Variants in CCDC13 observed in about 807,000 individuals in gnomAD.
The protein encoded by CCDC13 is coiled-coil domain-containing protein 13.
A neutral mutation model predicts 87.3 loss-of-function variants in CCDC13; 70 were observed. That is an observed-to-expected ratio of 0.80 (90% CI 0.66 to 0.98). CCDC13 has a LOEUF of 0.98. Among genes scored for constraint, CCDC13 ranks in the 50% least tolerant of loss-of-function variants. The pLI, the probability that CCDC13 is intolerant of heterozygous loss-of-function variation, is 0.00. For missense variants in CCDC13, 842 were observed against 892.0 expected (o/e 0.94, Z 0.71); for synonymous variants, 317 against 360.3 (o/e 0.88, Z 1.36).
rs1698178395 is a variant in CCDC13, at chr3:42,706,340, A to G, written c.*2640T>C. 6.6e-6 allele frequency: 1 copy of G among 152,256 alleles called. No homozygotes were observed. The highest frequency in any genetic ancestry group is 2.4e-5 in the African/African-American group (1 of 41,456). The allele number at this position is 152,256 out of a possible 1,614,324, so 9.4% of individuals were successfully genotyped here. On this transcript the variant is annotated 3_prime_UTR_variant, in exon 16 of 16. Transcript: ENST00000310232. The stretch of plus-strand genomic sequence containing the variant: ...CAACAAGTTCTGGTTGAACAAATGG[A>G]GGGAACACTAAGAGCGAATAATTAT...
At chr3:42,738,803 T>C (rs1699114300) in intron 9 of CCDC13, among the ~76,000 whole-genome samples, 1 of 152,166 alleles carries the variant, frequency 6.6e-6, no homozygotes. Flanking sequence ...CTTAAGGAGA[T>C]TTTGGGCTGA....
chr3:42,714,501 T>G (rs1453269015), intron 13 of CCDC13, among the ~76,000 whole-genome samples: 1 of 152,264 alleles, frequency 6.6e-6, no homozygotes, highest in Non-Finnish European at 1.5e-5. Context: ...TTATTTCACA[T>G]GAAGCACTTG....
intron 13 of CCDC13, among the ~76,000 whole-genome samples, chr3:42,717,232 C>T (rs992237100): frequency 1.3e-5 from 2 of 151,870 alleles, no homozygotes; most frequent in African/African-American, 4.8e-5. Context: ...TCAAGACCAG[C>T]CTGGCCAACA....
At chr3:42,752,235 T>C (rs986290904) in intron 4 of CCDC13, among the ~76,000 whole-genome samples, 2 of 152,158 alleles carry the variant, frequency 1.3e-5, no homozygotes, top group Non-Finnish European at 2.9e-5. Flanking sequence ...CTAATCGTAC[T>C]ATAAAAGTAG....
At chr3:42,756,859 T>C (rs955715145) in intron 3 of CCDC13, among the ~76,000 whole-genome samples, 4 of 152,160 alleles carry the variant, frequency 2.6e-5, no homozygotes, top group Non-Finnish European at 5.9e-5. Flanking sequence ...CATTGCTCCC[T>C]GTGCTCCCAT....
chr3:42,724,531 T>C (rs1238728614), intron 13 of CCDC13, among the ~76,000 whole-genome samples: 6 of 152,236 alleles, frequency 3.9e-5, no homozygotes, highest in Admixed American at 2.0e-4. Flanking sequence ...GACCAATCTC[T>C]GGTCTCACTG....
At chr3:42,739,833 T>C (rs1206208299) in intron 8 of CCDC13, 23 bp from the exon 9 acceptor site, 2 of 1,609,098 alleles carry the variant, frequency 1.2e-6, no homozygotes, top group Admixed American at 3.3e-5. Context: ...AGTGAGGGCA[T>C]GGGCAGCAGG....
chr3:42,759,644 CTGAG>C (rs765861200), intron 1 of CCDC13, among the ~76,000 whole-genome samples: 8 of 151,840 alleles, frequency 5.3e-5, no homozygotes, highest in Admixed American at 2.0e-4. Context: ...GTTTTTATTA[CTGAG>C]TAATATTACC....
intron 1 of CCDC13, among the ~76,000 whole-genome samples, chr3:42,760,674 A>G (rs1305672631): frequency 2.0e-5 from 3 of 152,094 alleles, no homozygotes; most frequent in Non-Finnish European, 2.9e-5. Flanking sequence ...GCGCCATGGC[A>G]CTCCAGCCTG....
intron 13 of CCDC13, among the ~76,000 whole-genome samples, chr3:42,727,960 A>G (rs1698727319): frequency 6.6e-6 from 1 of 152,248 alleles, no homozygotes; most frequent in African/African-American, 2.4e-5. Flanking sequence ...ATCAAAGTGG[A>G]TTAAACGATA....
At chr3:42,728,396 C>G (rs1045172762) in intron 13 of CCDC13, among the ~76,000 whole-genome samples, 8 of 152,048 alleles carry the variant, frequency 5.3e-5, no homozygotes, top group African/African-American at 7.2e-5. Flanking sequence ...GACTCCCCCC[C>G]ACCCTCCCCT....
chr3:42,759,073 C>A (rs888677160), intron 1 of CCDC13, among the ~76,000 whole-genome samples: 2 of 152,214 alleles, frequency 1.3e-5, no homozygotes, highest in African/African-American at 4.8e-5. Flanking sequence ...GCAATCACAG[C>A]ACTTTGGGAG....
At chr3:42,720,436 C>A (rs1398980844) in intron 13 of CCDC13, among the ~76,000 whole-genome samples, 1 of 152,218 alleles carries the variant, frequency 6.6e-6, no homozygotes. Flanking sequence ...ATCTGCACTT[C>A]TGTTTGCTGT....
At chr3:42,722,340 T>TG (rs1395355011) in intron 13 of CCDC13, among the ~76,000 whole-genome samples, 1 of 151,974 alleles carries the variant, frequency 6.6e-6, no homozygotes, top group Non-Finnish European at 1.5e-5. Flanking sequence ...ATAAAAGGGA[T>TG]GGGGGGAAAA....
At chr3:42,726,590 A>AT (rs1698694516) in intron 13 of CCDC13, among the ~76,000 whole-genome samples, 1 of 152,184 alleles carries the variant, frequency 6.6e-6, no homozygotes, top group African/African-American at 2.4e-5. Context: ...CCTTGGGAAT[A>AT]TATAAAGTCC....
intron 14 of CCDC13, among the ~76,000 whole-genome samples, chr3:42,710,113 CTT>C (rs1200200759): frequency 5.1e-5 from 7 of 137,476 alleles, no homozygotes; most frequent in East Asian, 2.1e-4. Context: ...TTTTTTTTTT[CTT>C]TTTTTTTTTT....
Position 42,752,616 on chromosome 3 carries a change from C to T in CCDC13, c.472G>A (p.Val158Met), listed in dbSNP as rs570709234. The T allele has an allele frequency of 3.0e-5, 49 of 1,614,208 alleles. No individual in the cohort carries two copies. The South Asian group carries it at 4.4e-4, about 14-fold the overall frequency. Residue 158 changes from valine to methionine, a missense_variant, in exon 4 of 16, where the codon GTG becomes ATG. Transcript: ENST00000310232. Reference sequence around the variant, plus strand: ...TGGATGCGATTGGTCAGCTGCTTCACCCTGGTTTTTGCACCCTCTGATTCT... The same window carrying T: ...TGGATGCGATTGGTCAGCTGCTTCATCCTGGTTTTTGCACCCTCTGATTCT... ...MAESEGAKTR[V>M]KQLTNRIQEL...
Position 42,733,456 on chromosome 3 carries a change from C to G in CCDC13, c.1511+14G>C. The G allele has an allele frequency of 1.2e-6, 2 of 1,613,902 alleles. No individual in the cohort carries two copies. Among genetic ancestry groups the G allele is most frequent in the Non-Finnish European group, 8.5e-7 (1 of 1,179,908 alleles). On this transcript the variant is annotated intron_variant, in intron 11 of 15. Coordinates refer to ENST00000310232, the MANE Select transcript of CCDC13 (RefSeq NM_144719.4). ...TGTTCACTTTCCAACCCCTCCCTCC[C>G]ATTGTTTTCTTACCGAGAAGATCCA...
intron 1 of CCDC13, among the ~76,000 whole-genome samples, chr3:42,762,426 G>A (rs1425125577): frequency 6.6e-6 from 1 of 152,194 alleles, no homozygotes; most frequent in Non-Finnish European, 1.5e-5. Flanking sequence ...GGCCATTCCA[G>A]TCCATGTTAA....
Sources: gnomAD v4.1 joint callset for allele counts (sites outside exome capture counted in the v4.1 genomes callset) on GRCh38, gnomAD v4.1.1 for gene constraint, MANE v1.5 for transcripts, NCBI Gene and HGNC (gene_info 2026-07-23, HGNC 2026-07-21) for gene names.